The following LONP1 variants were observed in gnomAD, a reference collection of about 807,000 sequenced individuals.
LONP1 encodes lon peptidase 1, mitochondrial, also known as lon protease homolog, mitochondrial.
LONP1 carries 31 observed loss-of-function variants against 98.5 expected under a neutral mutation model. That is an observed-to-expected ratio of 0.31 (90% CI 0.24 to 0.42). The LOEUF (loss-of-function observed/expected upper bound fraction) is 0.42. LONP1 is among the 20% of genes least tolerant of loss of function. The pLI is 1.00. For missense variants in LONP1, 1,336 were observed against 1,350.6 expected, an observed-to-expected ratio of 0.99 and a Z score of 0.17; for synonymous variants, 781 against 594.7, an observed-to-expected ratio of 1.31 and a Z score of -4.56.
At position 5,713,270 on chromosome 19, in the gene LONP1, C is replaced by T. The variant is rs753201259; in HGVS notation, c.519-17G>A. 1.9e-6 allele frequency: 3 copies of T among 1,612,870 alleles called. No individual in the cohort carries two copies. Among genetic ancestry groups the T allele is most frequent in the East Asian group, 4.5e-5 (2 of 44,808 alleles). On this transcript the variant is annotated splice_polypyrimidine_tract_variant and intron_variant, in intron 2 of 17. Coordinates refer to ENST00000360614, the MANE Select transcript of LONP1 (RefSeq NM_004793.4). ...GACTCATTGCTGTGGGAGAAGAGCACAGAGGAATGTTGGAACATGGCTTTC... is the reference window on the plus strand; with the variant it reads ...GACTCATTGCTGTGGGAGAAGAGCATAGAGGAATGTTGGAACATGGCTTTC...
At chr19:5,703,147 C>G (rs1166128049) in intron 8 of LONP1, among the ~76,000 whole-genome samples, 1 of 149,002 alleles carries the variant, frequency 6.7e-6, no homozygotes, top group Admixed American at 6.7e-5. Flanking sequence ...TGCCACTGCA[C>G]TCCAGCCTGG....
rs866472834 is a variant in LONP1, at chr19:5,696,559, C to G, written c.1773+111G>C. The G allele has an allele frequency of 1.8e-5, 24 of 1,310,302 alleles. No individual in the cohort carries two copies. The African/African-American group carries it at 2.8e-4, about 15-fold the overall frequency. The allele number at this position is 1,310,302 out of a possible 1,614,324, so 81.2% of individuals were successfully genotyped here. ...CCGTCCGTGCCATCAGGGCCAGCAT[C>G]ACGGCGATGGCCCCTGAGTTGGCTC... On this transcript the variant is annotated intron_variant, in intron 11 of 17. Coordinates refer to ENST00000360614, the MANE Select transcript of LONP1 (RefSeq NM_004793.4).
Sources: gnomAD v4.1 joint callset for allele counts (sites outside exome capture counted in the v4.1 genomes callset) on GRCh38, gnomAD v4.1.1 for gene constraint, MANE v1.5 for transcripts, NCBI Gene and HGNC (gene_info 2026-07-23, HGNC 2026-07-21) for gene names.